Variants in TACC1 observed in about 807,000 individuals in gnomAD.
TACC1 encodes the protein transforming acidic coiled-coil containing protein 1, also known as transforming acidic coiled-coil-containing protein 1.
Under a neutral mutation model 84.4 loss-of-function variants are expected in TACC1, and 48 were observed. The ratio of observed to expected loss-of-function variants is 0.57; its 90% CI spans 0.45 to 0.72. TACC1 has a LOEUF of 0.72. Among genes scored for constraint, TACC1 ranks in the 30% least tolerant of loss-of-function variants. The pLI, the probability that TACC1 is intolerant of heterozygous loss-of-function variation, is 0.00. For synonymous variants in TACC1, 372 were observed against 376.3 expected (o/e 0.99, Z 0.13); for missense variants, 920 against 973.0 (o/e 0.95, Z 0.72).
At position 38,741,045 on chromosome 8, in the gene TACC1, T is replaced by C. The variant is rs1401409325; in HGVS notation, c.-674-1306T>C. On this transcript the variant is annotated intron_variant, in intron 1 of 14. Coordinates refer to the TACC1 transcript ENST00000518415. ...AAAGAACCTTTTATTTTACTTTGTC[T>C]GTCTTTAGAGATTTCCTTTGAATGT... Among the ~76,000 whole-genome samples the C allele has an allele frequency of 2.6e-5, 4 of 152,350 alleles. No individual in the cohort carries two copies. The South Asian group carries it at 8.3e-4, about 32-fold the overall frequency.
chr8:38,748,048 A>G (rs1458163147), intron 3 of TACC1, among the ~76,000 whole-genome samples: 1 of 152,198 alleles, frequency 6.6e-6, no homozygotes, highest in Non-Finnish European at 1.5e-5. Context: ...TTAAAAACCT[A>G]AATATAAACT....
rs1826558114 is a variant in TACC1, at chr8:38,820,607, C to A, written c.1363C>A (p.Pro455Thr). The part of the protein sequence containing the change: ...GNHVNEILES[P>T]KKAKSRLITS... ...TCACGTTAATGAAATCTTAGAATCA[C>A]CCAAGAAGGCAAAGTCGCGTTTAAT... Residue 455 changes from proline to threonine, a missense_variant, in exon 3 of 13, where the codon CCC becomes ACC. Around this residue, in one of 2 missense-constraint regions of TACC1, gnomAD observed 762 missense variants for 747.3 expected, o/e 1.02. Coordinates refer to ENST00000317827, the MANE Select transcript of TACC1 (RefSeq NM_006283.3). 1 of 1,609,980 alleles carries A rather than the reference C, an allele frequency of 6.2e-7. No homozygotes were observed. Among genetic ancestry groups the A allele is most frequent in the Non-Finnish European group, 8.5e-7 (1 of 1,179,760 alleles).
At chr8:38,768,371 G>T (rs1812688225) in intron 3 of TACC1, among the ~76,000 whole-genome samples, 1 of 152,184 alleles carries the variant, frequency 6.6e-6, no homozygotes. Context: ...ATGCAGAGGG[G>T]ACTCATTGTG....
chr8:38,745,752 C>T (rs1807967229), intron 3 of TACC1, among the ~76,000 whole-genome samples: 1 of 152,180 alleles, frequency 6.6e-6, no homozygotes, highest in African/African-American at 2.4e-5. Context: ...CCATATTGGT[C>T]AGGCTGGTCT....
chr8:38,787,273 G>GC lies in TACC1; in HGVS notation c.-309dup. On this transcript the variant is annotated 5_prime_UTR_variant, in exon 1 of 13. Transcript: ENST00000317827. ...CGGGAGCGGGAGCAGCAGAGGTCTA[G>GC]CAGCCGGGCGCCGCGGGCCGGGGGC... The GC allele has an allele frequency of 9.3e-7, 1 of 1,074,142 alleles. No individual in the cohort carries two copies. Among genetic ancestry groups the GC allele is most frequent in the Non-Finnish European group, 1.1e-6 (1 of 887,462 alleles). 66.5% of individuals were successfully genotyped at this position (1,074,142 alleles called of 1,614,324 possible).
chr8:38,831,317 G>A, intron 6 of TACC1, 140 bp downstream of exon 6: 1 of 839,356 alleles, frequency 1.2e-6, no homozygotes, highest in Non-Finnish European at 1.9e-6. Flanking sequence ...TTCACTTGAG[G>A]AACACATAGT....
At chr8:38,842,238 G>A (rs1310044000) in intron 9 of TACC1, 49 bp from the exon 10 acceptor site, 1 of 1,585,468 alleles carries the variant, frequency 6.3e-7, no homozygotes, top group South Asian at 1.2e-5. Context: ...TCTAAGGAGT[G>A]TCTATTTTTT....
chr8:38,768,316 A>G (rs1187747447), intron 3 of TACC1, among the ~76,000 whole-genome samples: 2 of 152,158 alleles, frequency 1.3e-5, no homozygotes, highest in South Asian at 2.1e-4. Context: ...GTGCTTGTTC[A>G]TTTGTATCTG....
rs540413731 is a variant in TACC1 at position 38,817,374 on chromosome 8, A to T, written c.278-2148A>T. Among the ~76,000 whole-genome samples, 4 of 152,370 alleles carry T rather than the reference A, an allele frequency of 2.6e-5. No individual in the cohort carries two copies. The South Asian group carries it at 8.3e-4, about 32-fold the overall frequency. On this transcript the variant is annotated intron_variant, in intron 2 of 12. Coordinates refer to ENST00000317827, the MANE Select transcript of TACC1 (RefSeq NM_006283.3). ...GACAGAGATAATAGACTCTGTACACATAAGTGAAATTGTCAGTACAGTTTA... is the reference window on the plus strand; with the variant it reads ...GACAGAGATAATAGACTCTGTACACTTAAGTGAAATTGTCAGTACAGTTTA...
intron 2 of TACC1, among the ~76,000 whole-genome samples, chr8:38,792,958 T>A (rs1398468139): frequency 6.6e-6 from 1 of 152,160 alleles, no homozygotes; most frequent in Non-Finnish European, 1.5e-5. Context: ...TGTAGCTGTT[T>A]CAGTCACAAA....
At position 38,819,659 on chromosome 8, in the gene TACC1, C is replaced by T. The variant is rs1172861032; in HGVS notation, c.415C>T (p.Pro139Ser). 3.7e-6 allele frequency: 6 copies of T among 1,614,078 alleles called. No individual in the cohort carries two copies. The highest frequency in any genetic ancestry group is 5.1e-6 in the Non-Finnish European group (6 of 1,180,042). ...SHSVKNFREE[P>S]EHDFSKISIV... ...CTCAGTCAAGAATTTCAGAGAAGAACCTGAACATGATTTTAGCAAAATTTC... is the reference window on the plus strand; with the variant it reads ...CTCAGTCAAGAATTTCAGAGAAGAATCTGAACATGATTTTAGCAAAATTTC... The change falls in exon 3 of 13, where the codon CCT (proline) becomes TCT (serine). Residue 139 changes from proline to serine, a missense_variant. Transcript: ENST00000317827.
At position 38,797,304 on chromosome 8, in the gene TACC1, G is replaced by A. The variant is rs186070842; in HGVS notation, c.277+8485G>A. ...CCAGGAGGTGAGACATATAGGGGCC[G>A]TCTTGGAGGCTGGCTACCACAAAGC... On this transcript the variant is annotated intron_variant, in intron 2 of 12. Transcript: ENST00000317827. Among the ~76,000 whole-genome samples, 20 of 152,380 alleles carry A rather than the reference G, an allele frequency of 1.3e-4. No individual in the cohort carries two copies. The East Asian group carries it at 1.3e-3, about 10-fold the overall frequency.
chr8:38,805,275 C>T (rs1822404440), intron 2 of TACC1, among the ~76,000 whole-genome samples: 2 of 152,204 alleles, frequency 1.3e-5, no homozygotes, highest in South Asian at 4.1e-4. Flanking sequence ...AATAAAGGTC[C>T]TTTAAAAACA....
intron 2 of TACC1, among the ~76,000 whole-genome samples, chr8:38,818,364 A>G (rs1224345373): frequency 1.3e-5 from 2 of 152,230 alleles, no homozygotes; most frequent in Admixed American, 6.5e-5. Flanking sequence ...ATTATAACCA[A>G]TTCACTGAGT....
upstream of TACC1, chr8:38,787,073 C>T (rs989503312): frequency 1.6e-5 from 15 of 946,938 alleles, no homozygotes; most frequent in Middle Eastern, 5.4e-4. Context: ...CCGCGACCAG[C>T]GTGACGCCGC....
intron 1 of TACC1, among the ~76,000 whole-genome samples, chr8:38,733,913 G>A (rs902578572): frequency 1.3e-5 from 2 of 152,202 alleles, no homozygotes; most frequent in East Asian, 1.9e-4. Flanking sequence ...GCAGTTCTGG[G>A]AGAGTTTTTT....
At chr8:38,734,705 G>A (rs1001442115) in intron 1 of TACC1, among the ~76,000 whole-genome samples, 5 of 152,258 alleles carry the variant, frequency 3.3e-5, no homozygotes, top group African/African-American at 4.8e-5. Flanking sequence ...GCTGGCAGCC[G>A]AGGCTTTGCT....
In TACC1 at chr8:38,848,404, T is replaced by G. The variant is rs1832681805; in HGVS notation, c.*381T>G. ...CTTCTCCACCACCTGTCTGATTTTTTTGTGATCTGTTTAATCTTTTAATTT... is the reference window on the plus strand; with the variant it reads ...CTTCTCCACCACCTGTCTGATTTTTGTGTGATCTGTTTAATCTTTTAATTT... On this transcript the variant is annotated 3_prime_UTR_variant, in exon 13 of 13. Transcript: ENST00000317827. 6.2e-6 allele frequency: 1 copy of G among 161,690 alleles called. No individual in the cohort carries two copies. The highest frequency in any genetic ancestry group is 6.4e-5 in the Admixed American group (1 of 15,640). The allele number at this position is 161,690 out of a possible 1,614,324, so 10.0% of individuals were successfully genotyped here. A position where few individuals can be genotyped will look rare whatever the true frequency, so the allele number is the denominator to read the frequency against.
chr8:38,827,421 A>G (rs1828346759), intron 5 of TACC1, 46 bp downstream of exon 5: 1 of 1,595,658 alleles, frequency 6.3e-7, no homozygotes, highest in Non-Finnish European at 8.6e-7. Context: ...AAGCATGGAA[A>G]TGCCTGAAAG....
Sources: gnomAD v4.1 joint callset for allele counts (sites outside exome capture counted in the v4.1 genomes callset) on GRCh38, gnomAD v4.1.1 for gene constraint, gnomAD v4.1.1 regional missense constraint, MANE v1.5 for transcripts, NCBI Gene and HGNC (gene_info 2026-07-23, HGNC 2026-07-21) for gene names.